The following PCDH15 variants were observed in gnomAD, a reference collection of about 807,000 sequenced individuals.
PCDH15 encodes the protein protocadherin-15.
In PCDH15, 129 loss-of-function variants were observed where a neutral mutation model predicts 178.5. That is an observed-to-expected ratio of 0.72 (90% confidence interval 0.63 to 0.84). The LOEUF (loss-of-function observed/expected upper bound fraction) is 0.84. PCDH15 is among the 40% of genes least tolerant of loss of function. The pLI, the probability that PCDH15 is intolerant of heterozygous loss-of-function variation, is 0.00. For missense variants in PCDH15, 2,230 were observed against 2,099.9 expected (o/e 1.06, Z -1.21); for synonymous variants, 800 against 732.0 (o/e 1.09, Z -1.50).
intron 3 of PCDH15, among the ~76,000 whole-genome samples, chr10:54,437,323 A>T (rs981497): frequency 0.47 from 71,093 of 151,950 alleles, 17,384 homozygotes; most frequent in Middle Eastern, 0.52. Flanking sequence ...TAGAACATTC[A>T]GCCAAGATGA....
intron 3 of PCDH15, among the ~76,000 whole-genome samples, chr10:54,420,539 A>T (rs1955109113): frequency 6.6e-6 from 1 of 152,098 alleles, no homozygotes; most frequent in Non-Finnish European, 1.5e-5. Context: ...TCAAACTAGG[A>T]TGTTTGGGTG....
chr10:55,341,135 T>C (rs1303551305), intron 2 of PCDH15, among the ~76,000 whole-genome samples: 1 of 151,908 alleles, frequency 6.6e-6, no homozygotes, highest in Non-Finnish European at 1.5e-5. Context: ...TGTCAAGATA[T>C]AATACCCTTG....
At chr10:54,161,200 A>C (rs10825244) in intron 13 of PCDH15, among the ~76,000 whole-genome samples, 97,057 of 152,044 alleles carry the variant, frequency 0.64, 32,456 homozygotes, top group East Asian at 0.89. Flanking sequence ...GGATTCTATT[A>C]AGTAACTCAA....
chr10:55,207,531 A>G (rs372180528), intron 1 of PCDH15, among the ~76,000 whole-genome samples: 4 of 152,156 alleles, frequency 2.6e-5, no homozygotes, highest in South Asian at 4.1e-4. Flanking sequence ...AGACTGATTG[A>G]TTGACTACCA....
intron 1 of PCDH15, among the ~76,000 whole-genome samples, chr10:54,684,996 T>C (rs987000692): frequency 6.6e-6 from 1 of 151,872 alleles, no homozygotes; most frequent in Non-Finnish European, 1.5e-5. Flanking sequence ...TTTCTTTCTT[T>C]ATATTTTTAT....
intron 1 of PCDH15, among the ~76,000 whole-genome samples, chr10:54,673,517 C>G (rs759325811): frequency 2.6e-5 from 4 of 152,080 alleles, no homozygotes; most frequent in Admixed American, 2.0e-4. Context: ...CGGCTCACTG[C>G]GACCTCCTCC....
chr10:53,863,093 G>A (rs563925526), intron 27 of PCDH15, among the ~76,000 whole-genome samples: 1 of 152,166 alleles, frequency 6.6e-6, no homozygotes, highest in Non-Finnish European at 1.5e-5. Context: ...AAATATTCGG[G>A]TGGAATTGCT....
At chr10:54,617,782 C>G (rs975479167) in intron 2 of PCDH15, among the ~76,000 whole-genome samples, 1 of 142,750 alleles carries the variant, frequency 7.0e-6, no homozygotes, top group South Asian at 2.2e-4. Context: ...AAAAATTAGT[C>G]AGGCATAGTG....
At chr10:54,292,720 G>T (rs1326775229) in intron 8 of PCDH15, among the ~76,000 whole-genome samples, 1 of 152,116 alleles carries the variant, frequency 6.6e-6, no homozygotes, top group Non-Finnish European at 1.5e-5. Context: ...ATTCACAATT[G>T]CTACAAGGAG....
chr10:54,739,241 A>G (rs1193708537), intron 1 of PCDH15, among the ~76,000 whole-genome samples: 1 of 152,020 alleles, frequency 6.6e-6, no homozygotes, highest in African/African-American at 2.4e-5. Context: ...AAATCAACAT[A>G]CAACAATTAA....
At chr10:55,211,851 C>T (rs546716655) in intron 1 of PCDH15, among the ~76,000 whole-genome samples, 27 of 152,090 alleles carry the variant, frequency 1.8e-4, no homozygotes, top group African/African-American at 6.3e-4. Context: ...AGAAATGATA[C>T]AGAAGGTAGA....
chr10:55,249,164 C>T (rs1465330510), intron 1 of PCDH15, among the ~76,000 whole-genome samples: 5 of 151,904 alleles, frequency 3.3e-5, no homozygotes, highest in African/African-American at 7.3e-5. Context: ...TAGTATAATC[C>T]GAGGGAAAAG....
chr10:53,918,772 C>T (rs1460284422), intron 25 of PCDH15, among the ~76,000 whole-genome samples: 1 of 148,670 alleles, frequency 6.7e-6, no homozygotes, highest in Non-Finnish European at 1.5e-5. Context: ...ACACGGATAC[C>T]ACCATAGCTT....
At chr10:55,123,683 C>T (rs1019387456) in intron 2 of PCDH15, among the ~76,000 whole-genome samples, 1 of 151,972 alleles carries the variant, frequency 6.6e-6, no homozygotes, top group East Asian at 1.9e-4. Context: ...TTTAATTGGT[C>T]AACAATAGGA....
At chr10:55,355,640 T>C (rs181151183) in intron 2 of PCDH15, among the ~76,000 whole-genome samples, 189 of 152,102 alleles carry the variant, frequency 1.2e-3, no homozygotes, top group African/African-American at 3.9e-3. Flanking sequence ...AATATTTTTG[T>C]ATACAATTCT....
At chr10:54,048,070 GTTATC>G (rs2093691746) in intron 18 of PCDH15, among the ~76,000 whole-genome samples, 1 of 152,032 alleles carries the variant, frequency 6.6e-6, no homozygotes, top group Non-Finnish European at 1.5e-5. Flanking sequence ...GCAAACATCT[GTTATC>G]TTTTGACTTT....
chr10:54,810,363 A>G (rs1442871929), intron 3 of PCDH15, among the ~76,000 whole-genome samples: 1 of 152,106 alleles, frequency 6.6e-6, no homozygotes, highest in African/African-American at 2.4e-5. Context: ...TTTCCTTATT[A>G]CAGGAGTAGG....
intron 2 of PCDH15, among the ~76,000 whole-genome samples, chr10:55,447,915 A>G (rs936282244): frequency 6.6e-6 from 1 of 151,966 alleles, no homozygotes; most frequent in African/African-American, 2.4e-5. Context: ...TGCAAATAAT[A>G]TCAACCATTG....
chr10:54,171,913 C>T (rs1451938906), intron 13 of PCDH15, among the ~76,000 whole-genome samples: 1 of 150,528 alleles, frequency 6.6e-6, no homozygotes, highest in Non-Finnish European at 1.5e-5. Context: ...AGTCTAGGTT[C>T]CCACGCCGCC....
Sources: gnomAD v4.1 joint callset for allele counts (sites outside exome capture counted in the v4.1 genomes callset) on GRCh38, gnomAD v4.1.1 for gene constraint, MANE v1.5 for transcripts, NCBI Gene and HGNC (gene_info 2026-07-23, HGNC 2026-07-21) for gene names.